SLC7A11: variants seen among roughly 807,000 people sequenced by gnomAD.
The protein encoded by SLC7A11 is cystine/glutamate transporter.
In SLC7A11, 35 loss-of-function variants were observed where a neutral mutation model predicts 54.5. The observed-to-expected ratio is 0.64, with a 90% CI of 0.49 to 0.85. The LOEUF (loss-of-function observed/expected upper bound fraction) is 0.85, where lower values mean the gene tolerates loss of function less well. SLC7A11 is among the 40% of genes least tolerant of loss of function. SLC7A11 has a pLI of 0.00. For missense variants in SLC7A11, 583 were observed against 618.1 expected (o/e 0.94, Z 0.60); for synonymous variants, 230 against 225.2 (o/e 1.02, Z -0.19).
In SLC7A11 at chr4:138,167,213, G is replaced by A. The variant is rs1736286848; in HGVS notation, c.*4743C>T. 1 of 128,724 alleles carries A rather than the reference G, an allele frequency of 7.8e-6. No homozygotes were observed. Among genetic ancestry groups the A allele is most frequent in the Admixed American group, 9.7e-5 (1 of 10,288 alleles). The allele number at this position is 128,724 out of a possible 1,614,324, so 8.0% of individuals were successfully genotyped here. On this transcript the variant is annotated 3_prime_UTR_variant, in exon 12 of 12. Transcript: ENST00000280612. Reference sequence around the variant, plus strand: ...GTCCCCTAGGCTGGAGTGCAATGATGCGATCTTGGCTAACTGCAGCTTCTG... The same window carrying A: ...GTCCCCTAGGCTGGAGTGCAATGATACGATCTTGGCTAACTGCAGCTTCTG...
In SLC7A11 at chr4:138,169,491, G is replaced by A. The variant is rs890990575; in HGVS notation, c.*2465C>T. ...ATGCAAAAATCACTTTTGAAAATGA[G>A]AAAGAATAATTCTAGTTACCTTTTA... On this transcript the variant is annotated 3_prime_UTR_variant, in exon 12 of 12. Coordinates refer to ENST00000280612, the MANE Select transcript of SLC7A11 (RefSeq NM_014331.4). 9 of 151,998 alleles carry A rather than the reference G, an allele frequency of 5.9e-5. No individual in the cohort carries two copies. Among genetic ancestry groups the A allele is most frequent in the African/African-American group, 2.2e-4 (9 of 41,398 alleles). The allele number at this position is 151,998 out of a possible 1,614,324, so 9.4% of individuals were successfully genotyped here.
At chr4:138,206,133 TG>T (rs779815685) in intron 6 of SLC7A11, among the ~76,000 whole-genome samples, 16 of 151,962 alleles carry the variant, frequency 1.1e-4, no homozygotes, top group Non-Finnish European at 2.1e-4. Context: ...TCTCTGCATC[TG>T]GTTAAAAAGG....
chr4:138,185,508 C>T (rs1736855272), intron 6 of SLC7A11, among the ~76,000 whole-genome samples: 1 of 152,226 alleles, frequency 6.6e-6, no homozygotes, highest in Admixed American at 6.5e-5. Context: ...TCATGTACTC[C>T]GTAAATGCTA....
chr4:138,223,265 A>C lies in SLC7A11; in HGVS notation c.580T>G (p.Leu194Val). The change falls in exon 4 of 12, where the codon TTA becomes GTA. Residue 194 changes from leucine to valine, a missense_variant. Leu to Val is a conservative substitution (Grantham distance 32). Coordinates refer to ENST00000280612, the MANE Select transcript of SLC7A11 (RefSeq NM_014331.4). Reference sequence around the variant, plus strand: ...ATTGCTGTGAGCTTGCAAAAGGTTAAGAAAATCTGGATCCGGGCGCTCCAG... The same window carrying C: ...ATTGCTGTGAGCTTGCAAAAGGTTACGAAAATCTGGATCCGGGCGCTCCAG... ...VSWSARIQIF[L>V]TFCKLTAILI... The C allele has an allele frequency of 4.3e-6, 7 of 1,613,766 alleles. No individual in the cohort carries two copies. The highest frequency in any genetic ancestry group is 5.9e-6 in the Non-Finnish European group (7 of 1,179,650).
At chr4:138,176,112 T>C (rs1314076234) in intron 11 of SLC7A11, 4 of 152,092 alleles carry the variant, frequency 2.6e-5, no homozygotes, top group Admixed American at 1.3e-4. Context: ...GTGTGAGTGT[T>C]TTGTTTTGGC....
chr4:138,237,738 T>TATATATATATATTTA (rs1276520668), intron 1 of SLC7A11, among the ~76,000 whole-genome samples: 6 of 6,778 alleles, frequency 8.9e-4, no homozygotes, highest in Admixed American at 3.6e-3. Flanking sequence ...TATATATATA[T>TATATATATATATTTA]TTTTTTTTTT....
chr4:138,234,560 G>T (rs575455641), intron 2 of SLC7A11, among the ~76,000 whole-genome samples: 1 of 147,528 alleles, frequency 6.8e-6, no homozygotes, highest in African/African-American at 2.5e-5. Context: ...ACAGAGAAAA[G>T]TAGTTTTTTT....
At position 138,167,579 on chromosome 4, in the gene SLC7A11, C is replaced by T. The variant is rs554626255; in HGVS notation, c.*4377G>A. The T allele has an allele frequency of 4.6e-5, 7 of 152,212 alleles. No individual in the cohort carries two copies. The East Asian group carries it at 7.7e-4, about 17-fold the overall frequency. 9.4% of individuals were successfully genotyped at this position (152,212 alleles called of 1,614,324 possible). On this transcript the variant is annotated 3_prime_UTR_variant, in exon 12 of 12. Transcript: ENST00000280612. ...TATATGAAAATTAAGCTTAAATACA[C>T]GTATAGGTAATAATTATTTTGCCCA...
chr4:138,236,583 C>T, intron 1 of SLC7A11, 132 bp from the exon 2 acceptor site: 1 of 798,948 alleles, frequency 1.3e-6, no homozygotes, highest in Admixed American at 2.7e-5. Context: ...GGCATCCTTA[C>T]TCAAGACAAA....
At chr4:138,178,925 G>T (rs1211705726) in intron 11 of SLC7A11, among the ~76,000 whole-genome samples, 1 of 152,040 alleles carries the variant, frequency 6.6e-6, no homozygotes, top group Non-Finnish European at 1.5e-5. Context: ...GTTAGTAAAG[G>T]ATTCAAAGAG....
At chr4:138,210,855 A>G (rs1415796943) in intron 6 of SLC7A11, among the ~76,000 whole-genome samples, 1 of 152,114 alleles carries the variant, frequency 6.6e-6, no homozygotes, top group African/African-American at 2.4e-5. Context: ...CAAAGAACTT[A>G]TAGCAGAACT....
intron 9 of SLC7A11, 48 bp downstream of exon 9, chr4:138,182,249 A>T (rs1020443604): frequency 6.7e-6 from 8 of 1,189,736 alleles, no homozygotes; most frequent in Admixed American, 3.4e-5. Flanking sequence ...CTTTTTGCTA[A>T]CCTATTATTC....
rs1242138960 is a variant in SLC7A11, at chr4:138,170,258, A to C, written c.*1698T>G. ...AGTGTGTGTGTGTGTGTGTATATAT[A>C]TATATATATATATACACACACACAC... On this transcript the variant is annotated 3_prime_UTR_variant, in exon 12 of 12. Coordinates refer to ENST00000280612, the MANE Select transcript of SLC7A11 (RefSeq NM_014331.4). 1.9e-4 allele frequency: 18 copies of C among 95,348 alleles called. No individual in the cohort carries two copies. The highest frequency in any genetic ancestry group is 6.2e-4 in the African/African-American group (17 of 27,328). The allele number at this position is 95,348 out of a possible 1,614,324, so 5.9% of individuals were successfully genotyped here. A position where few individuals can be genotyped will look rare whatever the true frequency, so the allele number is the denominator to read the frequency against.
chr4:138,225,173 A>ATATATATATAT (rs1266953642), intron 3 of SLC7A11, among the ~76,000 whole-genome samples: 4 of 111,078 alleles, frequency 3.6e-5, no homozygotes, highest in African/African-American at 6.4e-5. Context: ...TATATATATA[A>ATATATATATAT]ATAAAATCAT....
In SLC7A11 at chr4:138,169,360, T is replaced by C. The variant is rs1254141473; in HGVS notation, c.*2596A>G. The C allele has an allele frequency of 2.1e-4, 32 of 152,136 alleles. No individual in the cohort carries two copies. Among genetic ancestry groups the C allele is most frequent in the Admixed American group, 2.1e-3 (32 of 15,256 alleles). The allele number at this position is 152,136 out of a possible 1,614,324, so 9.4% of individuals were successfully genotyped here. On this transcript the variant is annotated 3_prime_UTR_variant, in exon 12 of 12. Transcript: ENST00000280612. The stretch of plus-strand genomic sequence containing the variant: ...AACTGTGTCTTCTCATGATGAGTCC[T>C]AAAAATAAGCCAAAATACTACTTAA...
intron 8 of SLC7A11, 33 bp downstream of exon 8, chr4:138,183,169 A>C (rs1469517026): frequency 6.9e-7 from 1 of 1,444,608 alleles, no homozygotes; most frequent in Admixed American, 1.7e-5. Flanking sequence ...CAAAAACAGA[A>C]ATGTGTTTCT....
At chr4:138,189,119 T>A (rs1736947360) in intron 6 of SLC7A11, among the ~76,000 whole-genome samples, 1 of 152,176 alleles carries the variant, frequency 6.6e-6, no homozygotes, top group Admixed American at 6.5e-5. Context: ...TTGAAATTGT[T>A]AAATGGAAAT....
intron 1 of SLC7A11, among the ~76,000 whole-genome samples, chr4:138,237,880 T>C (rs1487017416): frequency 2.0e-5 from 3 of 146,730 alleles, no homozygotes; most frequent in African/African-American, 7.6e-5. Context: ...GCCTCTCAAG[T>C]AGTTGGGATT....
Position 138,164,458 on chromosome 4 carries a change from C to A in SLC7A11, c.*7498G>T, listed in dbSNP as rs1045192952. On this transcript the variant is annotated 3_prime_UTR_variant, in exon 12 of 12. Coordinates refer to ENST00000280612, the MANE Select transcript of SLC7A11 (RefSeq NM_014331.4). ...AGCTATAGAAGAATCCATTTTATTTCACATATCACATGCTTGTGCAGGCAT... is the reference window on the plus strand; with the variant it reads ...AGCTATAGAAGAATCCATTTTATTTAACATATCACATGCTTGTGCAGGCAT... 2 of 152,152 alleles carry A rather than the reference C, an allele frequency of 1.3e-5. No individual in the cohort carries two copies. The highest frequency in any genetic ancestry group is 4.8e-5 in the African/African-American group (2 of 41,456). The allele number at this position is 152,152 out of a possible 1,614,324, so 9.4% of individuals were successfully genotyped here.
Sources: allele counts gnomAD v4.1 joint callset (sites outside exome capture counted in the v4.1 genomes callset), GRCh38; gene constraint gnomAD v4.1.1; transcripts MANE v1.5; gene names NCBI Gene and HGNC (gene_info 2026-07-23, HGNC 2026-07-21).